Variants in MYO16 observed in about 807,000 individuals in gnomAD.
MYO16 encodes unconventional myosin-XVI.
MYO16 carries 94 observed loss-of-function variants against 205.3 expected under a neutral mutation model. The ratio of observed to expected loss-of-function variants is 0.46; its 90% CI spans 0.39 to 0.54. The LOEUF (loss-of-function observed/expected upper bound fraction) is 0.54, where lower values mean the gene tolerates loss of function less well. Ranked by LOEUF, MYO16 falls within the 20% of genes least tolerant of loss-of-function variation. MYO16 has a pLI of 0.00. For missense variants in MYO16, 2,315 were observed against 2,387.5 expected, an observed-to-expected ratio of 0.97 and a Z score of 0.63; for synonymous variants, 988 against 954.0, an observed-to-expected ratio of 1.04 and a Z score of -0.66.
At chr13:108,502,081 C>T in the MYO16 span, among the ~76,000 whole-genome samples, 1 of 152,094 alleles carries the variant, frequency 6.6e-6, no homozygotes, top group South Asian at 2.1e-4. Context: ...GGTGTGGTGG[C>T]ACGTGTCTGT....
At chr13:108,974,699 T>C (rs955810038) in intron 20 of MYO16, among the ~76,000 whole-genome samples, 2 of 152,190 alleles carry the variant, frequency 1.3e-5, no homozygotes, top group Non-Finnish European at 2.9e-5. Flanking sequence ...TACCTCCTAA[T>C]AGATGGATAA....
Position 108,847,803 on chromosome 13 carries a change from C to T in MYO16, c.1248+3310C>T, listed in dbSNP as rs574873409. On this transcript the variant is annotated intron_variant, in intron 10 of 34. Coordinates refer to ENST00000457511, the MANE Select transcript of MYO16 (RefSeq NM_001198950.3). ...GACTTCCTTCTCTTCCCTTTCCCTC[C>T]TGGTTTCCTTTCCCATCCCATCCCT... Among the ~76,000 whole-genome samples, 5 of 152,202 alleles carry T rather than the reference C, an allele frequency of 3.3e-5. No homozygotes were observed. In the South Asian group the frequency reaches 1.0e-3, roughly 32 times the overall value.
intron 4 of MYO16, among the ~76,000 whole-genome samples, chr13:108,770,998 T>C (rs1885943442): frequency 6.6e-6 from 1 of 152,168 alleles, no homozygotes; most frequent in African/African-American, 2.4e-5. Context: ...ACCTCTAGTA[T>C]CACAATGCAA....
chr13:109,021,560 C>G (rs763277843), intron 23 of MYO16, among the ~76,000 whole-genome samples: 6 of 152,156 alleles, frequency 3.9e-5, no homozygotes, highest in Non-Finnish European at 7.3e-5. Flanking sequence ...TAAAGAGCAA[C>G]TGGATCCCAG....
chr13:108,965,124 A>G (rs1398657923), intron 20 of MYO16, among the ~76,000 whole-genome samples: 2 of 152,236 alleles, frequency 1.3e-5, no homozygotes, highest in Non-Finnish European at 2.9e-5. Flanking sequence ...TGATGAATTA[A>G]TAATTTCCTA....
chr13:108,897,724 T>A (rs1880497439), intron 14 of MYO16, among the ~76,000 whole-genome samples: 1 of 152,216 alleles, frequency 6.6e-6, no homozygotes, highest in Non-Finnish European at 1.5e-5. Flanking sequence ...TTTGTTAAGC[T>A]TGGGGCTGTG....
intron 5 of MYO16, 59 bp from the exon 6 acceptor site, chr13:108,793,457 A>AC (rs1180899184): frequency 1.7e-5 from 27 of 1,548,920 alleles, no homozygotes; most frequent in Non-Finnish European, 2.4e-5. Context: ...CTAGGCTTTG[A>AC]CCCCCAGGAA....
intron 27 of MYO16, among the ~76,000 whole-genome samples, chr13:109,100,111 G>A (rs1481141251): frequency 1.3e-5 from 2 of 152,154 alleles, no homozygotes; most frequent in African/African-American, 4.8e-5. Context: ...GTTAACCACT[G>A]TAAGTGCAAA....
intron 4 of MYO16, among the ~76,000 whole-genome samples, chr13:108,781,780 C>A (rs2138911810): frequency 6.6e-6 from 1 of 152,206 alleles, no homozygotes; most frequent in South Asian, 2.1e-4. Context: ...GCCGGTCTTT[C>A]CTGTGCTGGT....
At chr13:108,773,955 G>C (rs1566598184) in intron 4 of MYO16, among the ~76,000 whole-genome samples, 1 of 152,120 alleles carries the variant, frequency 6.6e-6, no homozygotes, top group Non-Finnish European at 1.5e-5. Context: ...AGCTGGGCAT[G>C]GTGGTGAGTG....
chr13:108,895,991 C>G lies in MYO16; in HGVS notation c.1660-2025C>G, dbSNP rs139602844. Among the ~76,000 whole-genome samples, 327 of 152,276 alleles carry G rather than the reference C, an allele frequency of 2.1e-3. 3 individuals are homozygous for G. The highest frequency in any genetic ancestry group is 7.2e-3 in the African/African-American group (300 of 41,568). On this transcript the variant is annotated intron_variant, in intron 14 of 34. Coordinates refer to ENST00000457511, the MANE Select transcript of MYO16 (RefSeq NM_001198950.3). The stretch of plus-strand genomic sequence containing the variant: ...TAAGGAAAATGAGGTTTGAGGAATT[C>G]AGAGGACCTCCTCAGCGTTACATAA...
intron 1 of MYO16, among the ~76,000 whole-genome samples, chr13:108,653,151 T>C (rs752108655): frequency 2.6e-5 from 4 of 152,236 alleles, no homozygotes; most frequent in Non-Finnish European, 5.9e-5. Flanking sequence ...ATGTTGAGCA[T>C]ATCTTTATAT....
intron 24 of MYO16, chr13:109,048,286 AC>A: frequency 1.4e-6 from 1 of 712,552 alleles, no homozygotes; most frequent in Non-Finnish European, 2.6e-6. Context: ...GTAAATTTGT[AC>A]AAAAAAAAGT....
At chr13:108,590,607 A>G in the MYO16 span, among the ~76,000 whole-genome samples, 2 of 152,190 alleles carry the variant, frequency 1.3e-5, no homozygotes, top group Non-Finnish European at 2.9e-5. Flanking sequence ...GCCCTGAGCC[A>G]ATGACTGATG....
chr13:108,840,122 C>T (rs1380635455), intron 9 of MYO16, among the ~76,000 whole-genome samples: 1 of 152,184 alleles, frequency 6.6e-6, no homozygotes, highest in East Asian at 1.9e-4. Context: ...AATGCATGCC[C>T]ATACATCTGT....
intron 1 of MYO16, among the ~76,000 whole-genome samples, chr13:108,663,693 A>T (rs1042072649): frequency 2.0e-5 from 3 of 152,218 alleles, no homozygotes; most frequent in Admixed American, 1.3e-4. Flanking sequence ...TTTAAAAGTT[A>T]ATTGAAAATT....
chr13:108,814,687 C>G (rs573970535), intron 7 of MYO16, among the ~76,000 whole-genome samples: 65 of 151,886 alleles, frequency 4.3e-4, no homozygotes, highest in African/African-American at 1.5e-3. Context: ...AATTTGTGTT[C>G]TGCAAAACCA....
intron 9 of MYO16, among the ~76,000 whole-genome samples, chr13:108,843,893 A>C (rs1273684268): frequency 1.3e-5 from 2 of 152,118 alleles, no homozygotes; most frequent in Non-Finnish European, 2.9e-5. Flanking sequence ...ATTCCATCGC[A>C]AACTTGAAGT....
the MYO16 span, among the ~76,000 whole-genome samples, chr13:108,531,625 ATT>A: frequency 6.7e-6 from 1 of 148,406 alleles, no homozygotes; most frequent in South Asian, 2.1e-4. Flanking sequence ...ATGCTTTCTA[ATT>A]TTTTTTTTTT....
Sources: allele counts gnomAD v4.1 joint callset (sites outside exome capture counted in the v4.1 genomes callset), GRCh38; gene constraint gnomAD v4.1.1; transcripts MANE v1.5; gene names NCBI Gene and HGNC (gene_info 2026-07-23, HGNC 2026-07-21).